MTUS2: variants seen among roughly 807,000 people sequenced by gnomAD.
MTUS2 encodes the protein microtubule associated scaffold protein 2.
A neutral mutation model predicts 114.1 loss-of-function variants in MTUS2; 40 were observed. The ratio of observed to expected loss-of-function variants is 0.35; its 90% CI spans 0.27 to 0.46. The LOEUF (loss-of-function observed/expected upper bound fraction) is 0.46. MTUS2 is among the 20% of genes least tolerant of loss of function. The pLI, the probability that MTUS2 is intolerant of heterozygous loss-of-function variation, is 1.00. For missense variants in MTUS2, 1,679 were observed against 1,705.4 expected (o/e 0.98, Z 0.27); for synonymous variants, 688 against 672.0 (o/e 1.02, Z -0.37).
chr13:28,972,255 C>T (rs1035474714), intron 2 of MTUS2, among the ~76,000 whole-genome samples: 12 of 152,224 alleles, frequency 7.9e-5, no homozygotes, highest in African/African-American at 1.4e-4. Context: ...GGCATCACAG[C>T]AGTCACAGGT....
intron 8 of MTUS2, among the ~76,000 whole-genome samples, chr13:29,423,093 G>A (rs964391952): frequency 2.0e-4 from 30 of 152,158 alleles, no homozygotes; most frequent in Non-Finnish European, 3.8e-4. Context: ...CATATTATCA[G>A]GACCAGTTTA....
chr13:29,014,588 A>G (rs1030894761), intron 2 of MTUS2, among the ~76,000 whole-genome samples: 2 of 152,190 alleles, frequency 1.3e-5, no homozygotes, highest in Non-Finnish European at 2.9e-5. Context: ...AAGAAATGAC[A>G]AGGGGCTTTG....
intron 2 of MTUS2, among the ~76,000 whole-genome samples, chr13:28,882,632 G>A (rs868820352): frequency 2.0e-5 from 3 of 152,090 alleles, no homozygotes; most frequent in African/African-American, 7.2e-5. Context: ...AATTACTCAG[G>A]AGGCTGAGGC....
At chr13:28,956,777 A>T (rs1216821175) in intron 2 of MTUS2, among the ~76,000 whole-genome samples, 2 of 151,150 alleles carry the variant, frequency 1.3e-5, no homozygotes, top group African/African-American at 4.9e-5. Context: ...GCGGGGACAG[A>T]GGGAAGAAGG....
In MTUS2 at chr13:29,026,457, G is replaced by A. The variant is rs1741033531; in HGVS notation, c.1759G>A (p.Val587Met). The A allele has an allele frequency of 6.2e-7, 1 of 1,613,920 alleles. No homozygotes were observed. Among genetic ancestry groups the A allele is most frequent in the Non-Finnish European group, 8.5e-7 (1 of 1,179,880 alleles). Reference protein sequence around the residue: ...SARLLNTSPKVPDKNTCPSGI... With the variant: ...SARLLNTSPKMPDKNTCPSGI... ...ACGCTTGTTGAACACGTCCCCCAAAGTGCCTGACAAGAACACTTGCCCCAG... is the reference window on the plus strand; with the variant it reads ...ACGCTTGTTGAACACGTCCCCCAAAATGCCTGACAAGAACACTTGCCCCAG... The change falls in exon 3 of 16, where the codon GTG (valine) becomes ATG (methionine). Residue 587 changes from valine to methionine, a missense_variant. Val to Met is a conservative substitution (Grantham distance 21). Transcript: ENST00000612955.
In MTUS2 at chr13:29,502,935, C is replaced by T; in HGVS notation, c.3897-58C>T. The T allele has an allele frequency of 1.3e-6, 2 of 1,558,604 alleles. 1 individual carries two copies. The highest frequency in any genetic ancestry group is 2.3e-5 in the South Asian group (2 of 87,294). On this transcript the variant is annotated intron_variant, in intron 15 of 15. Coordinates refer to ENST00000612955, the MANE Select transcript of MTUS2 (RefSeq NM_001033602.4). ...CCTTTGCCCTGCACCATTGTCCTGACCTCAGGTTCAGTGTCCACTAGCATG... is the reference window on the plus strand; with the variant it reads ...CCTTTGCCCTGCACCATTGTCCTGATCTCAGGTTCAGTGTCCACTAGCATG...
chr13:29,403,084 T>C (rs142565084), intron 8 of MTUS2, among the ~76,000 whole-genome samples: 5 of 152,334 alleles, frequency 3.3e-5, no homozygotes, highest in Admixed American at 6.5e-5. Context: ...GTTAGATGCA[T>C]GTCCTCAGCC....
At chr13:28,962,605 G>A (rs1038983375) in intron 2 of MTUS2, among the ~76,000 whole-genome samples, 1 of 152,142 alleles carries the variant, frequency 6.6e-6, no homozygotes, top group Non-Finnish European at 1.5e-5. Context: ...TTTGCAGCTG[G>A]TGTATGCCAT....
In MTUS2 at chr13:29,496,993, G is replaced by A. The variant is rs1378238462; in HGVS notation, c.3580-245G>A. Among the ~76,000 whole-genome samples, 3 of 152,204 alleles carry A rather than the reference G, an allele frequency of 2.0e-5. No individual in the cohort carries two copies. The highest frequency in any genetic ancestry group is 7.2e-5 in the African/African-American group (3 of 41,458). On this transcript the variant is annotated intron_variant, in intron 12 of 15. Coordinates refer to ENST00000612955, the MANE Select transcript of MTUS2 (RefSeq NM_001033602.4). This position sits in a 1 kb window ranked among gnomAD's most constrained non-coding sequence, Gnocchi z 4.3. ...GATGTTGTGAAATGCCTCCAGTTCAGTGTTTTTGTGGTGTCTTCCTGACAA... is the reference window on the plus strand; with the variant it reads ...GATGTTGTGAAATGCCTCCAGTTCAATGTTTTTGTGGTGTCTTCCTGACAA...
At position 28,945,037 on chromosome 13, in the gene MTUS2, C is replaced by T. The variant is rs375539256; in HGVS notation, c.-242-79420C>T. Among the ~76,000 whole-genome samples, 215 of 152,190 alleles carry T rather than the reference C, an allele frequency of 1.4e-3. 1 individual carries two copies. Among genetic ancestry groups the T allele is most frequent in the African/African-American group, 4.8e-3 (201 of 41,474 alleles). On this transcript the variant is annotated intron_variant, in intron 2 of 15. Transcript: ENST00000612955. ...ATTCCACACTCTGTGTCCATGCATA[C>T]ACATTATTTAGCTCTGAGTGGTGAG...
intron 7 of MTUS2, among the ~76,000 whole-genome samples, chr13:29,348,343 A>C (rs1045407699): frequency 5.3e-5 from 8 of 151,892 alleles, no homozygotes; most frequent in African/African-American, 1.9e-4. Context: ...TCTAGCATCC[A>C]TATCACTCAG....
At chr13:29,434,916 T>G (rs1326218286) in intron 8 of MTUS2, among the ~76,000 whole-genome samples, 1 of 152,218 alleles carries the variant, frequency 6.6e-6, no homozygotes, top group Non-Finnish European at 1.5e-5. Flanking sequence ...GCAAAAAGTC[T>G]TAGATTGGGA....
rs532286170 is a variant in MTUS2 at position 28,909,183 on chromosome 13, G to A, written c.-243+69333G>A. Reference sequence around the variant, plus strand: ...GACTTGGCGATGCGGGCTTTTTTTTGGTTCCATATGAACTTTAAAGTAGTT... The same window carrying A: ...GACTTGGCGATGCGGGCTTTTTTTTAGTTCCATATGAACTTTAAAGTAGTT... On this transcript the variant is annotated intron_variant, in intron 2 of 15. Coordinates refer to ENST00000612955, the MANE Select transcript of MTUS2 (RefSeq NM_001033602.4). Among the ~76,000 whole-genome samples, 146 of 151,238 alleles carry A rather than the reference G, an allele frequency of 9.7e-4. 3 individuals carry two copies. The highest frequency in any genetic ancestry group is 3.4e-3 in the Middle Eastern group (1 of 290).
intron 6 of MTUS2, among the ~76,000 whole-genome samples, chr13:29,294,543 A>T (rs1898857435): frequency 6.6e-6 from 1 of 152,174 alleles, no homozygotes; most frequent in East Asian, 1.9e-4. Flanking sequence ...AGAAGGGCTC[A>T]TAGGACTTAG....
intron 9 of MTUS2, among the ~76,000 whole-genome samples, chr13:29,452,572 A>G (rs767700590): frequency 4.7e-4 from 23 of 48,740 alleles, no homozygotes; most frequent in African/African-American, 1.0e-3. Context: ...ATATATATAT[A>G]TATGTGTGTG....
At chr13:28,884,874 G>T (rs886311783) in intron 2 of MTUS2, among the ~76,000 whole-genome samples, 1 of 151,992 alleles carries the variant, frequency 6.6e-6, no homozygotes, top group Non-Finnish European at 1.5e-5. Context: ...AATTTTCCTG[G>T]TATACAGGAA....
intron 5 of MTUS2, among the ~76,000 whole-genome samples, chr13:29,255,189 C>T (rs759548887): frequency 6.6e-6 from 1 of 152,120 alleles, no homozygotes; most frequent in Non-Finnish European, 1.5e-5. Context: ...GCAGAAGTGG[C>T]CAAGGGAGCT....
intron 5 of MTUS2, among the ~76,000 whole-genome samples, chr13:29,150,651 C>A (rs2139037823): frequency 6.6e-6 from 1 of 152,260 alleles, no homozygotes; most frequent in East Asian, 1.9e-4. Flanking sequence ...AGGTTTTCTT[C>A]TAAGATTTTT....
chr13:29,066,835 A>G (rs1202705681), intron 4 of MTUS2, among the ~76,000 whole-genome samples: 3 of 152,276 alleles, frequency 2.0e-5, no homozygotes, highest in Non-Finnish European at 4.4e-5. Flanking sequence ...CAGAATGCAC[A>G]GGAGGAGAGG....
Sources: allele counts gnomAD v4.1 joint callset (sites outside exome capture counted in the v4.1 genomes callset), GRCh38; gene constraint gnomAD v4.1.1; non-coding constraint Gnocchi (gnomAD v3.1); transcripts MANE v1.5; gene names NCBI Gene and HGNC (gene_info 2026-07-23, HGNC 2026-07-21).